RFX3: variants seen among roughly 807,000 people sequenced by gnomAD.
RFX3 encodes regulatory factor X3, also known as transcription factor RFX3.
In RFX3, 14 loss-of-function variants were observed where a neutral mutation model predicts 98.6. The observed-to-expected ratio is 0.14, with a 90% confidence interval of 0.09 to 0.22. The LOEUF is 0.22. RFX3 is among the 10% of genes least tolerant of loss of function. RFX3 has a pLI of 1.00. For missense variants in RFX3, 639 were observed against 926.9 expected, an observed-to-expected ratio of 0.69 and a Z score of 4.03; for synonymous variants, 383 against 328.4, an observed-to-expected ratio of 1.17 and a Z score of -1.80.
intron 9 of RFX3, among the ~76,000 whole-genome samples, chr9:3,273,151 T>C (rs1259087016): frequency 6.6e-6 from 1 of 152,196 alleles, no homozygotes. Context: ...CATATTCTAC[T>C]GGCTTAGGGC....
chr9:3,270,077 A>C (rs903401037), intron 11 of RFX3, among the ~76,000 whole-genome samples: 1 of 122,658 alleles, frequency 8.2e-6, no homozygotes, highest in South Asian at 3.2e-4. Context: ...AGAAAGAGAA[A>C]GAAGGAAAGA....
chr9:3,514,303 C>T (rs777900328), intron 1 of RFX3, among the ~76,000 whole-genome samples: 21 of 152,172 alleles, frequency 1.4e-4, no homozygotes, highest in Admixed American at 7.9e-4. Flanking sequence ...GATTGTTCTA[C>T]AACACCAAGC....
At chr9:3,276,241 T>C (rs368503515) in intron 8 of RFX3, among the ~76,000 whole-genome samples, 1 of 152,110 alleles carries the variant, frequency 6.6e-6, no homozygotes, top group Non-Finnish European at 1.5e-5. Context: ...ATTACTCTTC[T>C]ATGTACAAAT....
intron 1 of RFX3, among the ~76,000 whole-genome samples, chr9:3,457,211 C>T (rs968059515): frequency 1.4e-5 from 2 of 138,034 alleles, no homozygotes; most frequent in Middle Eastern, 7.9e-3. Flanking sequence ...ACCTACTGAT[C>T]TTAAAATAGG....
At chr9:3,236,747 A>G (rs1376631038) in intron 15 of RFX3, among the ~76,000 whole-genome samples, 1 of 152,214 alleles carries the variant, frequency 6.6e-6, no homozygotes, top group Non-Finnish European at 1.5e-5. Flanking sequence ...AGCAACAGAT[A>G]GTCCACATAT....
At chr9:3,395,658 AC>A in intron 1 of RFX3, 62 bp from the exon 2 acceptor site, 1 of 1,566,848 alleles carries the variant, frequency 6.4e-7, no homozygotes, top group Middle Eastern at 1.9e-4. Context: ...TAGCTTCCTT[AC>A]AATTGTTCTT....
Position 3,367,103 on chromosome 9 carries a change from A to G in RFX3, c.118-20339T>C, listed in dbSNP as rs138031385. Among the ~76,000 whole-genome samples the G allele has an allele frequency of 3.4e-3, 515 of 152,296 alleles. 7 individuals carry two copies. Among genetic ancestry groups the G allele is most frequent in the East Asian group, 9.1e-3 (47 of 5,186 alleles). On this transcript the variant is annotated intron_variant, in intron 2 of 16. Transcript: ENST00000617270. ...CTAATTCCTATAACTTGTGAATACA[A>G]TGAAAAATACCTCCCATGATTATCT...
chr9:3,336,551 G>T (rs1027941633), intron 3 of RFX3, among the ~76,000 whole-genome samples: 1 of 151,950 alleles, frequency 6.6e-6, no homozygotes, highest in African/African-American at 2.4e-5. Context: ...AAAACAAGAA[G>T]AATAAAATTT....
intron 1 of RFX3, among the ~76,000 whole-genome samples, chr9:3,472,725 T>TG (rs1848882218): frequency 6.6e-6 from 1 of 152,202 alleles, no homozygotes; most frequent in Non-Finnish European, 1.5e-5. Flanking sequence ...AATGATTGAG[T>TG]TACTGTGTCA....
At chr9:3,443,849 G>A (rs977280611) in intron 1 of RFX3, among the ~76,000 whole-genome samples, 2 of 152,038 alleles carry the variant, frequency 1.3e-5, no homozygotes, top group African/African-American at 2.4e-5. Context: ...CTTTTTCTCC[G>A]CAACCTTGCC....
At chr9:3,500,079 C>T (rs1416435675) in intron 1 of RFX3, among the ~76,000 whole-genome samples, 1 of 151,990 alleles carries the variant, frequency 6.6e-6, no homozygotes, top group African/African-American at 2.4e-5. Context: ...TCTAAAAGTA[C>T]CCCAGAGCAA....
chr9:3,395,377 G>A (rs1840748995), intron 2 of RFX3, 95 bp downstream of exon 2: 2 of 1,403,624 alleles, frequency 1.4e-6, no homozygotes, highest in Non-Finnish European at 2.0e-6. Flanking sequence ...ATCATAGCAA[G>A]ACAGTAAAGT....
intron 1 of RFX3, among the ~76,000 whole-genome samples, chr9:3,401,475 G>C (rs565788548): frequency 2.6e-5 from 4 of 152,232 alleles, no homozygotes; most frequent in South Asian, 2.1e-4. Context: ...CTGGTGTTTT[G>C]TTTATGTTTG....
intron 1 of RFX3, among the ~76,000 whole-genome samples, chr9:3,483,545 G>C (rs1442916243): frequency 6.6e-6 from 1 of 152,156 alleles, no homozygotes; most frequent in East Asian, 1.9e-4. Flanking sequence ...ACCTAAGACA[G>C]GCCATAGTGG....
At chr9:3,484,574 G>T (rs1002898213) in intron 1 of RFX3, among the ~76,000 whole-genome samples, 3 of 152,118 alleles carry the variant, frequency 2.0e-5, no homozygotes, top group Non-Finnish European at 4.4e-5. Context: ...TTGATAGATG[G>T]GAGTTTCTCC....
At chr9:3,448,824 C>G (rs1587708518) in intron 1 of RFX3, among the ~76,000 whole-genome samples, 1 of 152,130 alleles carries the variant, frequency 6.6e-6, no homozygotes, top group East Asian at 1.9e-4. Flanking sequence ...CCAGCCATAA[C>G]CCACATTTTT....
At chr9:3,493,862 C>G (rs1202682062) in intron 1 of RFX3, among the ~76,000 whole-genome samples, 1 of 151,762 alleles carries the variant, frequency 6.6e-6, no homozygotes, top group East Asian at 1.9e-4. Flanking sequence ...CAAAATCATA[C>G]TTGCCTCTAT....
At chr9:3,269,860 T>G (rs1465756659) in intron 11 of RFX3, among the ~76,000 whole-genome samples, 1 of 152,076 alleles carries the variant, frequency 6.6e-6, no homozygotes, top group African/African-American at 2.4e-5. Flanking sequence ...GAAATCAAGA[T>G]AGATTCACTT....
intron 3 of RFX3, among the ~76,000 whole-genome samples, chr9:3,339,853 A>G (rs1833659959): frequency 1.3e-5 from 2 of 152,188 alleles, no homozygotes; most frequent in African/African-American, 4.8e-5. Context: ...ATTCAATGCC[A>G]TCACCATCAA....
Sources: allele counts gnomAD v4.1 joint callset (sites outside exome capture counted in the v4.1 genomes callset), GRCh38; gene constraint gnomAD v4.1.1; transcripts MANE v1.5; gene names NCBI Gene and HGNC (gene_info 2026-07-23, HGNC 2026-07-21).